The following INTS6 variants were observed in gnomAD, a reference collection of about 807,000 sequenced individuals.
INTS6 encodes the protein integrator complex subunit 6.
A neutral mutation model predicts 104.9 loss-of-function variants in INTS6; 16 were observed. That is an observed-to-expected ratio of 0.15 (90% confidence interval 0.10 to 0.23). The LOEUF (loss-of-function observed/expected upper bound fraction) is 0.23, where lower values mean the gene tolerates loss of function less well. Among genes scored for constraint, INTS6 ranks in the 10% least tolerant of loss-of-function variants. The pLI is 1.00. For synonymous variants in INTS6, 324 were observed against 358.7 expected (o/e 0.90, Z 1.09); for missense variants, 584 against 1,062.8 (o/e 0.55, Z 6.26).
At chr13:51,435,730 T>C (rs987032001) in intron 3 of INTS6, among the ~76,000 whole-genome samples, 2 of 152,058 alleles carry the variant, frequency 1.3e-5, no homozygotes, top group Admixed American at 6.6e-5. Context: ...AGGAGGGGCA[T>C]AGGAATGCTA....
At chr13:51,380,245 GAAAGTT>G (rs958044810) in intron 10 of INTS6, among the ~76,000 whole-genome samples, 2 of 152,006 alleles carry the variant, frequency 1.3e-5, no homozygotes, top group African/African-American at 4.8e-5. Flanking sequence ...TGTGGTAGTT[GAAAGTT>G]AAAAAAAACT....
chr13:51,409,405 C>G lies in INTS6; in HGVS notation c.430-13922G>C, dbSNP rs1434815910. On this transcript the variant is annotated intron_variant, in intron 4 of 17. Transcript: ENST00000311234. Reference sequence around the variant, plus strand: ...TATTCTTATTTCAATTACAAACTACCAGCCAATATAACACTTATCTTTTAA... The same window carrying G: ...TATTCTTATTTCAATTACAAACTACGAGCCAATATAACACTTATCTTTTAA... Among the ~76,000 whole-genome samples, 7 of 151,380 alleles carry G rather than the reference C, an allele frequency of 4.6e-5. No homozygotes were observed. In the East Asian group the frequency reaches 1.4e-3, roughly 29 times the overall value.
chr13:51,415,110 G>C (rs1956763217), intron 4 of INTS6, among the ~76,000 whole-genome samples: 1 of 150,950 alleles, frequency 6.6e-6, no homozygotes, highest in Non-Finnish European at 1.5e-5. Flanking sequence ...TTAATACCCT[G>C]ACAAGTATGA....
Position 51,374,197 on chromosome 13 carries a change from AC to A in INTS6, c.2104+10del, listed in dbSNP as rs773330857. On this transcript the variant is annotated intron_variant, in intron 15 of 17. Coordinates refer to ENST00000311234, the MANE Select transcript of INTS6 (RefSeq NM_012141.3). ...GCAGCAAATAATGTTTAAGAAAAAA[AC>A]AATTCTTACTTTTATGAAGAGGAAG... 2 of 1,595,732 alleles carry A rather than the reference AC, an allele frequency of 1.3e-6. No homozygotes were observed. The highest frequency in any genetic ancestry group is 2.2e-5 in the South Asian group (2 of 89,902).
At chr13:51,390,147 G>A (rs1184330646) in intron 5 of INTS6, among the ~76,000 whole-genome samples, 1 of 151,908 alleles carries the variant, frequency 6.6e-6, no homozygotes, top group South Asian at 2.1e-4. Context: ...ATCTTTTAAA[G>A]AGGAATTTTC....
In INTS6 at chr13:51,418,206, T is replaced by TA. The variant is rs1268668907; in HGVS notation, c.429+12087dup. On this transcript the variant is annotated intron_variant, in intron 4 of 17. Transcript: ENST00000311234. ...ACAATCTGTTTCTAAGAACAGTGCC[T>TA]AGGCACATGGTAAGCCCTAAATACA... Among the ~76,000 whole-genome samples the TA allele has an allele frequency of 4.5e-4, 68 of 152,356 alleles. 1 individual carries two copies. In the Middle Eastern group the frequency reaches 0.01, roughly 23 times the overall value.
rs185876554 is a variant in INTS6, at chr13:51,377,030, C to G, written c.1603-856G>C. Among the ~76,000 whole-genome samples the G allele has an allele frequency of 9.7e-4, 148 of 152,300 alleles. 1 individual carries two copies. The highest frequency in any genetic ancestry group is 3.3e-3 in the African/African-American group (138 of 41,584). On this transcript the variant is annotated intron_variant, in intron 12 of 17. Coordinates refer to ENST00000311234, the MANE Select transcript of INTS6 (RefSeq NM_012141.3). The stretch of plus-strand genomic sequence containing the variant: ...CAGTAATGTTAGGAGGGTTGCTCCA[C>G]ATTCTCATCAATCCCTGTATTTTTT...
At chr13:51,348,320 CT>C in the INTS6 span, 1 of 1,613,764 alleles carries the variant, frequency 6.2e-7, no homozygotes, top group African/African-American at 1.3e-5. Flanking sequence ...AGACACCCCC[CT>C]GAGCCACATC....
chr13:51,348,076 A>C, the INTS6 span: 3 of 651,400 alleles, frequency 4.6e-6, no homozygotes, highest in Non-Finnish European at 8.0e-6. Context: ...TTTGGCCTGA[A>C]ACCGCCTCCT....
At chr13:51,399,111 C>T (rs1566225090) in intron 4 of INTS6, among the ~76,000 whole-genome samples, 1 of 152,160 alleles carries the variant, frequency 6.6e-6, no homozygotes, top group East Asian at 1.9e-4. Context: ...TGGTTTATGG[C>T]TTCTTTCATC....
chr13:51,445,274 T>C (rs1279945348), intron 3 of INTS6: 2 of 152,190 alleles, frequency 1.3e-5, no homozygotes, highest in East Asian at 1.9e-4. Context: ...TGAGACAACT[T>C]TGGCCAAGTT....
chr13:51,335,216 T>C, the INTS6 span, among the ~76,000 whole-genome samples: 52 of 151,998 alleles, frequency 3.4e-4, 1 homozygote, highest in Admixed American at 6.5e-5. Context: ...AGAGAGTAAA[T>C]AGATAATGGC....
intron 4 of INTS6, among the ~76,000 whole-genome samples, chr13:51,423,773 TA>T (rs1040700819): frequency 3.9e-5 from 6 of 152,092 alleles, no homozygotes; most frequent in Non-Finnish European, 8.8e-5. Flanking sequence ...GGTGGCCTTC[TA>T]AGTCAAAAAC....
downstream of INTS6, among the ~76,000 whole-genome samples, chr13:51,351,952 T>C (rs1048541454): frequency 6.6e-6 from 1 of 152,034 alleles, no homozygotes; most frequent in African/African-American, 2.4e-5. Flanking sequence ...TGCCCATAAA[T>C]GTCTAAGTTT....
In INTS6 at chr13:51,452,108, G is replaced by C. The variant is rs944678702; in HGVS notation, c.112-53C>G. ...GGCGACAGGGAAGCACAGAGGCGAG[G>C]TTACGAGGCGGAGAAGGGGCGCCCA... On this transcript the variant is annotated intron_variant, in intron 1 of 17. Coordinates refer to ENST00000311234, the MANE Select transcript of INTS6 (RefSeq NM_012141.3). The surrounding 1 kb of genome is among the most constrained non-coding windows in gnomAD (Gnocchi z 4.2). The C allele has an allele frequency of 2.6e-5, 41 of 1,550,490 alleles. No homozygotes were observed. In the South Asian group the frequency reaches 4.5e-4, roughly 17 times the overall value.
At chr13:51,375,734 GGTGTGTGTGTGTGTGTGTGT>G (rs71684515) in intron 13 of INTS6, among the ~76,000 whole-genome samples, 3 of 147,560 alleles carry the variant, frequency 2.0e-5, no homozygotes, top group Admixed American at 6.8e-5. Flanking sequence ...TTGATAAGTG[GGTGTGTGTGTGTGTGTGTGT>G]GTGTGTGTGT....
intron 4 of INTS6, among the ~76,000 whole-genome samples, chr13:51,401,704 C>T (rs1446196138): frequency 1.3e-5 from 2 of 151,954 alleles, no homozygotes; most frequent in African/African-American, 2.4e-5. Context: ...TATTATAGTC[C>T]TCATTTACAA....
chr13:51,428,517 G>A (rs1957026064), intron 4 of INTS6, among the ~76,000 whole-genome samples: 1 of 151,762 alleles, frequency 6.6e-6, no homozygotes, highest in Non-Finnish European at 1.5e-5. Flanking sequence ...GGTAGAGACA[G>A]GGTTTCACCA....
chr13:51,435,843 G>A (rs1380824740), intron 3 of INTS6, among the ~76,000 whole-genome samples: 3 of 151,944 alleles, frequency 2.0e-5, no homozygotes, highest in Admixed American at 1.3e-4. Context: ...AAAGGTGGAG[G>A]AGGTTCATTA....
Sources: allele counts gnomAD v4.1 joint callset (sites outside exome capture counted in the v4.1 genomes callset), GRCh38; gene constraint gnomAD v4.1.1; non-coding constraint Gnocchi (gnomAD v3.1); transcripts MANE v1.5; gene names NCBI Gene and HGNC (gene_info 2026-07-23, HGNC 2026-07-21).